The following LPAR1 variants were observed in gnomAD, a reference collection of about 807,000 sequenced individuals.
LPAR1 encodes lysophosphatidic acid receptor 1.
LPAR1 carries 5 observed loss-of-function variants against 23.8 expected under a neutral mutation model. The ratio of observed to expected loss-of-function variants is 0.21; its 90% confidence interval spans 0.11 to 0.44. LPAR1 has a LOEUF of 0.44. Among genes scored for constraint, LPAR1 ranks in the 20% least tolerant of loss-of-function variants. LPAR1 has a pLI of 0.99. For synonymous variants in LPAR1, 160 were observed against 164.7 expected (o/e 0.97, Z 0.22); for missense variants, 311 against 482.8 (o/e 0.64, Z 3.33).
intron 5 of LPAR1, among the ~76,000 whole-genome samples, chr9:110,883,123 T>A (rs555000): frequency 0.19 from 28,979 of 152,110 alleles, 3,008 homozygotes; most frequent in East Asian, 0.29. Context: ...CACTGCAACC[T>A]CTGCCTCCCA....
At chr9:110,981,227 T>G (rs1050549128) in intron 2 of LPAR1, among the ~76,000 whole-genome samples, 9 of 152,206 alleles carry the variant, frequency 5.9e-5, no homozygotes, top group African/African-American at 1.9e-4. Flanking sequence ...CATTTCTTTT[T>G]TTAAGAAAAG....
rs1448866337 is a variant in LPAR1 at position 111,009,996 on chromosome 9, AAAATATATATATATAT to A, written c.-182+26110_-182+26125del. On this transcript the variant is annotated intron_variant, in intron 2 of 5. Coordinates refer to ENST00000683809, the MANE Select transcript of LPAR1 (RefSeq NM_001351411.2). Reference sequence around the variant, plus strand: ...TTTCATTTCTCATTTCATAATTAGGAAAATATATATATATATATATATATATATATATATATATATA... The same window carrying A: ...TTTCATTTCTCATTTCATAATTAGGAATATATATATATATATATATATATA... Among the ~76,000 whole-genome samples the A allele has an allele frequency of 4.0e-4, 44 of 108,972 alleles. 1 individual carries two copies. Among genetic ancestry groups the A allele is most frequent in the South Asian group, 2.9e-3 (8 of 2,738 alleles). The allele number at this position is 108,972 out of a possible 152,430, so 71.5% of individuals were successfully genotyped here. A position where few individuals can be genotyped will look rare whatever the true frequency, so the allele number is the denominator to read the frequency against.
intron 2 of LPAR1, among the ~76,000 whole-genome samples, chr9:111,001,831 A>G (rs903931973): frequency 1.3e-5 from 2 of 152,232 alleles, no homozygotes; most frequent in African/African-American, 4.8e-5. Flanking sequence ...TTCCCCTCCA[A>G]AGAAAGTCAT....
Position 110,875,667 on chromosome 9 carries a change from G to A in LPAR1, c.849C>T (p.Cys283=). ...PGLVLLLLDV[C]CPQCDVLAYE... The stretch of plus-strand genomic sequence containing the variant: ...AGGCCAGCACGTCGCACTGTGGACA[G>A]CACACGTCTAGAAGTAACAAAACCA... The change falls in exon 6 of 6, where the codon TGC becomes TGT. Residue 283 remains cysteine, a synonymous_variant. Transcript: ENST00000683809. 6.2e-7 allele frequency: 1 copy of A among 1,613,838 alleles called. No homozygotes were observed. The highest frequency in any genetic ancestry group is 8.5e-7 in the Non-Finnish European group (1 of 1,179,800).
intron 2 of LPAR1, among the ~76,000 whole-genome samples, chr9:110,990,205 A>G (rs964249019): frequency 6.6e-6 from 1 of 152,150 alleles, no homozygotes; most frequent in African/African-American, 2.4e-5. Flanking sequence ...AGAAAAAATC[A>G]GTAAGGATAT....
At chr9:110,973,825 T>G (rs906221756) in intron 2 of LPAR1, among the ~76,000 whole-genome samples, 2 of 152,178 alleles carry the variant, frequency 1.3e-5, no homozygotes, top group African/African-American at 2.4e-5. Context: ...AAGAAACATT[T>G]TCATTTTCTG....
intron 5 of LPAR1, among the ~76,000 whole-genome samples, chr9:110,909,588 T>C (rs537975094): frequency 6.6e-6 from 1 of 152,328 alleles, no homozygotes; most frequent in African/African-American, 2.4e-5. Context: ...TAGTGGCACC[T>C]CTTCTCCAGC....
At chr9:110,894,999 C>T (rs2085827311) in intron 5 of LPAR1, among the ~76,000 whole-genome samples, 1 of 152,014 alleles carries the variant, frequency 6.6e-6, no homozygotes, top group Non-Finnish European at 1.5e-5. Flanking sequence ...GCCTGGATGA[C>T]AAAGCAAGAC....
chr9:111,017,900 T>A (rs1049720185), intron 2 of LPAR1, among the ~76,000 whole-genome samples: 2 of 152,186 alleles, frequency 1.3e-5, no homozygotes, highest in East Asian at 3.9e-4. Flanking sequence ...CTGCCTGTAG[T>A]CCCAGCTACT....
At position 110,875,287 on chromosome 9, in the gene LPAR1, G is replaced by C; in HGVS notation, c.*134C>G. On this transcript the variant is annotated 3_prime_UTR_variant, in exon 6 of 6. Coordinates refer to ENST00000683809, the MANE Select transcript of LPAR1 (RefSeq NM_001351411.2). ...CTTGTGGGGTCCAGGAACAAATACT[G>C]TCATTGGTTAGTGTTTAAGTACATG... 4.4e-6 allele frequency: 3 copies of C among 678,548 alleles called. No homozygotes were observed. The highest frequency in any genetic ancestry group is 7.3e-6 in the Non-Finnish European group (3 of 408,666). 42.0% of individuals were successfully genotyped at this position (678,548 alleles called of 1,614,324 possible).
In LPAR1 at chr9:110,951,168, G is replaced by A. The variant is rs185697963; in HGVS notation, c.46-9000C>T. Among the ~76,000 whole-genome samples, 64 of 151,936 alleles carry A rather than the reference G, an allele frequency of 4.2e-4. 1 individual carries two copies. In the East Asian group the frequency reaches 0.011, roughly 25 times the overall value. On this transcript the variant is annotated intron_variant, in intron 4 of 5. Coordinates refer to ENST00000683809, the MANE Select transcript of LPAR1 (RefSeq NM_001351411.2). The stretch of plus-strand genomic sequence containing the variant: ...AAACTGAATATTTATTTTAAACACA[G>A]AAATCCGTTTCAGGCAATATGAAAA...
chr9:110,950,707 A>G (rs183158000), intron 4 of LPAR1, among the ~76,000 whole-genome samples: 1 of 152,334 alleles, frequency 6.6e-6, no homozygotes, highest in African/African-American at 2.4e-5. Flanking sequence ...GCTCTAACGT[A>G]TCTAGGAATA....
intron 2 of LPAR1, among the ~76,000 whole-genome samples, chr9:111,007,169 C>T (rs969411131): frequency 6.6e-6 from 1 of 152,020 alleles, no homozygotes; most frequent in Non-Finnish European, 1.5e-5. Flanking sequence ...CCCCAGAAGC[C>T]GAGCAGATGC....
intron 2 of LPAR1, among the ~76,000 whole-genome samples, chr9:110,982,657 G>C (rs752981957): frequency 2.0e-5 from 3 of 151,390 alleles, no homozygotes; most frequent in Non-Finnish European, 4.4e-5. Context: ...AATTTAAAAA[G>C]AAATTATGGA....
intron 4 of LPAR1, among the ~76,000 whole-genome samples, chr9:110,970,969 C>G (rs369780031): frequency 6.6e-6 from 1 of 152,088 alleles, no homozygotes; most frequent in African/African-American, 2.4e-5. Flanking sequence ...AACCCCATCT[C>G]TACTAAAATA....
intron 5 of LPAR1, among the ~76,000 whole-genome samples, chr9:110,879,417 C>CAAAAAAAAAA (rs71371692): frequency 6.4e-5 from 3 of 47,180 alleles, no homozygotes; most frequent in South Asian, 1.1e-3. Context: ...GACTCCATCT[C>CAAAAAAAAAA]AAAAAAAAAA....
At chr9:110,966,322 T>A (rs1162358707) in intron 4 of LPAR1, among the ~76,000 whole-genome samples, 1 of 151,702 alleles carries the variant, frequency 6.6e-6, no homozygotes, top group Non-Finnish European at 1.5e-5. Flanking sequence ...CTACTAAAAA[T>A]ATAAAAATTA....
chr9:110,919,886 G>A (rs1466081969), intron 5 of LPAR1, among the ~76,000 whole-genome samples: 2 of 152,134 alleles, frequency 1.3e-5, no homozygotes, highest in Non-Finnish European at 2.9e-5. Context: ...TTGTCATAGT[G>A]ACTCAGCACA....
intron 5 of LPAR1, among the ~76,000 whole-genome samples, chr9:110,884,991 T>C (rs75459932): frequency 0.025 from 3,796 of 152,308 alleles, 155 homozygotes; most frequent in African/African-American, 0.086. Flanking sequence ...TTTTTAGCTA[T>C]ATCCATTTCA....
Sources: gnomAD v4.1 joint callset for allele counts (sites outside exome capture counted in the v4.1 genomes callset) on GRCh38, gnomAD v4.1.1 for gene constraint, MANE v1.5 for transcripts, NCBI Gene and HGNC (gene_info 2026-07-23, HGNC 2026-07-21) for gene names.